PAM: variants seen among roughly 807,000 people sequenced by gnomAD.
The protein encoded by PAM is peptidyl-glycine alpha-amidating monooxygenase.
A neutral mutation model predicts 122.1 loss-of-function variants in PAM; 72 were observed. That is an observed-to-expected ratio of 0.59 (90% CI 0.49 to 0.72). The LOEUF (loss-of-function observed/expected upper bound fraction) is 0.72, where lower values mean the gene tolerates loss of function less well. Ranked by LOEUF, PAM falls within the 30% of genes least tolerant of loss-of-function variation. The probability of loss-of-function intolerance (pLI) is 0.00; values close to 1 mark genes in which losing one functional copy is unlikely to be tolerated. For synonymous variants in PAM, 389 were observed against 404.4 expected (o/e 0.96, Z 0.46); for missense variants, 1,106 against 1,183.7 (o/e 0.93, Z 0.96).
intron 15 of PAM, chr5:102,987,696 T>C (rs1035581420): frequency 5.8e-6 from 2 of 345,902 alleles, no homozygotes; most frequent in Admixed American, 4.2e-5. Context: ...TGGCTCCCAA[T>C]TGCCGGTAGC....
chr5:102,783,540 A>G (rs1244128707), intron 1 of PAM, among the ~76,000 whole-genome samples: 2 of 152,330 alleles, frequency 1.3e-5, no homozygotes. Context: ...GGTTCATAGT[A>G]AAACTAAGCC....
At chr5:102,763,594 C>T (rs1252990625) in intron 1 of PAM, among the ~76,000 whole-genome samples, 1 of 152,046 alleles carries the variant, frequency 6.6e-6, no homozygotes, top group African/African-American at 2.4e-5. Context: ...ATAATAGGAA[C>T]CTGAGGAAGT....
At chr5:102,777,525 G>A (rs1285043347) in intron 1 of PAM, among the ~76,000 whole-genome samples, 1 of 152,014 alleles carries the variant, frequency 6.6e-6, no homozygotes, top group Non-Finnish European at 1.5e-5. Flanking sequence ...TATTTAAGTG[G>A]GAGTTTCTGG....
chr5:102,896,619 C>T (rs1050414488), intron 3 of PAM, among the ~76,000 whole-genome samples: 23 of 151,546 alleles, frequency 1.5e-4, no homozygotes, highest in African/African-American at 4.1e-4. Context: ...AGGACAAAAG[C>T]GAAGCATTTT....
intron 1 of PAM, among the ~76,000 whole-genome samples, chr5:102,795,392 C>T (rs767265525): frequency 6.6e-6 from 1 of 152,028 alleles, no homozygotes; most frequent in Admixed American, 6.6e-5. Context: ...TTTTAAACTG[C>T]TGTCTAACCT....
At chr5:102,844,049 G>T (rs1479428463) in intron 1 of PAM, among the ~76,000 whole-genome samples, 1 of 152,092 alleles carries the variant, frequency 6.6e-6, no homozygotes. Context: ...CTAAAAACTG[G>T]AAACAACCAA....
intron 19 of PAM, among the ~76,000 whole-genome samples, 155 bp downstream of exon 19, chr5:103,007,166 C>T (rs1779214286): frequency 1.2e-5 from 1 of 84,442 alleles, no homozygotes; most frequent in African/African-American, 4.6e-5. Flanking sequence ...GCTTGTCTCT[C>T]ACACACACAC....
intron 1 of PAM, among the ~76,000 whole-genome samples, chr5:102,793,036 A>C (rs1325751946): frequency 6.6e-6 from 1 of 152,202 alleles, no homozygotes. Context: ...CTTGGGCCTC[A>C]TAGGAGCACA....
intron 3 of PAM, among the ~76,000 whole-genome samples, chr5:102,895,118 G>T (rs1437061998): frequency 6.6e-6 from 1 of 151,726 alleles, no homozygotes; most frequent in Non-Finnish European, 1.5e-5. Context: ...TTTAAAACAT[G>T]TTCCTCTGTC....
chr5:102,987,776 C>T (rs779371969), intron 15 of PAM, among the ~76,000 whole-genome samples: 1 of 152,158 alleles, frequency 6.6e-6, no homozygotes, highest in Non-Finnish European at 1.5e-5. Flanking sequence ...TTCATCTGAG[C>T]AGCTCCATTC....
At chr5:102,941,681 T>C (rs1333404766) in intron 7 of PAM, among the ~76,000 whole-genome samples, 4 of 152,078 alleles carry the variant, frequency 2.6e-5, no homozygotes, top group Non-Finnish European at 4.4e-5. Flanking sequence ...AAGGAACTAA[T>C]TTTTAAAAAA....
chr5:102,819,441 A>G (rs1384987940), intron 1 of PAM, among the ~76,000 whole-genome samples: 2 of 151,836 alleles, frequency 1.3e-5, no homozygotes, highest in African/African-American at 4.8e-5. Context: ...ATATATTTAT[A>G]TATGTTTATA....
chr5:102,961,751 A>T (rs184543111), intron 14 of PAM, among the ~76,000 whole-genome samples: 3 of 152,004 alleles, frequency 2.0e-5, no homozygotes, highest in East Asian at 3.9e-4. Flanking sequence ...TGCAGAGTTT[A>T]AAAAAAGCAT....
chr5:102,831,663 A>G (rs1394179556), intron 1 of PAM, among the ~76,000 whole-genome samples: 1 of 152,130 alleles, frequency 6.6e-6, no homozygotes, highest in African/African-American at 2.4e-5. Flanking sequence ...AGCCCAGTTG[A>G]TGTAGTTTGT....
At chr5:102,991,251 G>T (rs952557728) in intron 16 of PAM, among the ~76,000 whole-genome samples, 1 of 152,116 alleles carries the variant, frequency 6.6e-6, no homozygotes, top group Admixed American at 6.6e-5. Flanking sequence ...GGAATTGTAA[G>T]CATGTTCATG....
intron 5 of PAM, among the ~76,000 whole-genome samples, chr5:102,916,497 T>G (rs1262225462): frequency 6.6e-6 from 1 of 151,778 alleles, no homozygotes; most frequent in African/African-American, 2.4e-5. Context: ...CTGTTATTCA[T>G]CATCTTTTAA....
intron 1 of PAM, among the ~76,000 whole-genome samples, chr5:102,768,311 G>A (rs1205132573): frequency 1.3e-5 from 2 of 151,670 alleles, no homozygotes; most frequent in African/African-American, 4.9e-5. Flanking sequence ...AGAGTAAAAT[G>A]GGTATCCATT....
intron 7 of PAM, among the ~76,000 whole-genome samples, chr5:102,927,426 T>C (rs1462364293): frequency 1.3e-5 from 2 of 152,214 alleles, no homozygotes; most frequent in African/African-American, 4.8e-5. Context: ...TGTTTGCTTT[T>C]CTACTATGTC....
chr5:102,776,326 G>T (rs1757174749), intron 1 of PAM, among the ~76,000 whole-genome samples: 1 of 151,988 alleles, frequency 6.6e-6, no homozygotes, highest in Non-Finnish European at 1.5e-5. Flanking sequence ...CTTTGCAGAA[G>T]CTCTTTAGTT....
Sources: gnomAD v4.1 joint callset for allele counts (sites outside exome capture counted in the v4.1 genomes callset) on GRCh38, gnomAD v4.1.1 for gene constraint, MANE v1.5 for transcripts, NCBI Gene and HGNC (gene_info 2026-07-23, HGNC 2026-07-21) for gene names.